MCTP1: variants seen among roughly 807,000 people sequenced by gnomAD.
MCTP1 encodes multiple C2 and transmembrane domain containing 1, also known as multiple C2 and transmembrane domain-containing protein 1.
A neutral mutation model predicts 120.6 loss-of-function variants in MCTP1; 69 were observed. That is an observed-to-expected ratio of 0.57 (90% CI 0.47 to 0.70). MCTP1 has a LOEUF of 0.70. MCTP1 is among the 30% of genes least tolerant of loss of function. The pLI is 0.00. For synonymous variants in MCTP1, 529 were observed against 493.1 expected, an observed-to-expected ratio of 1.07 and a Z score of -0.96; for missense variants, 1,203 against 1,248.8, an observed-to-expected ratio of 0.96 and a Z score of 0.55.
At chr5:95,029,979 A>T (rs1216454855) in intron 1 of MCTP1, among the ~76,000 whole-genome samples, 1 of 152,202 alleles carries the variant, frequency 6.6e-6, no homozygotes, top group African/African-American at 2.4e-5. Flanking sequence ...CTCCCTACAC[A>T]GAACGGCAGC....
intron 2 of MCTP1, 30 bp downstream of exon 2, chr5:95,017,337 T>C (rs1454207983): frequency 1.4e-6 from 2 of 1,395,208 alleles, no homozygotes; most frequent in African/African-American, 1.4e-5. Context: ...ATAAAAAAGC[T>C]TCTAGGTGAT....
chr5:95,133,803 TA>T (rs2152427297), intron 1 of MCTP1, among the ~76,000 whole-genome samples: 1 of 152,362 alleles, frequency 6.6e-6, no homozygotes, highest in African/African-American at 2.4e-5. Context: ...AAGCCACAGA[TA>T]AGCAGGGACC....
intron 3 of MCTP1, 87 bp from the exon 4 acceptor site, chr5:94,942,514 G>A: frequency 1.1e-6 from 1 of 878,888 alleles, no homozygotes; most frequent in Non-Finnish European, 1.8e-6. Flanking sequence ...AATGTTGGTT[G>A]TCTATGTCAC....
chr5:94,990,020 T>G (rs1831221415), intron 2 of MCTP1, among the ~76,000 whole-genome samples: 1 of 152,112 alleles, frequency 6.6e-6, no homozygotes, highest in African/African-American at 2.4e-5. Context: ...TGTAAACTGT[T>G]TTTCTGAGTT....
chr5:94,948,469 G>T (rs159020), intron 3 of MCTP1, among the ~76,000 whole-genome samples: 126,056 of 151,702 alleles, frequency 0.83, 52,805 homozygotes, highest in African/African-American at 0.89. Context: ...GATTTTTTTT[G>T]GGTCCAAAAT....
intron 19 of MCTP1, among the ~76,000 whole-genome samples, chr5:94,726,684 AG>A (rs2152679153): frequency 6.6e-6 from 1 of 152,226 alleles, no homozygotes; most frequent in South Asian, 2.1e-4. Flanking sequence ...TTGAGGTGGC[AG>A]GGTCATATGG....
chr5:94,889,424 CAAAAATACA>C (rs1206509214), intron 11 of MCTP1, among the ~76,000 whole-genome samples: 1 of 151,564 alleles, frequency 6.6e-6, no homozygotes, highest in Non-Finnish European at 1.5e-5. Context: ...CCATCTCTAC[CAAAAATACA>C]AAAAAAATTA....
intron 1 of MCTP1, among the ~76,000 whole-genome samples, chr5:95,173,662 T>C (rs1747619310): frequency 6.6e-6 from 1 of 152,098 alleles, no homozygotes; most frequent in South Asian, 2.1e-4. Flanking sequence ...TATTCACACA[T>C]GTAGGCAGAA....
At chr5:94,907,980 T>G (rs1056305974) in intron 10 of MCTP1, among the ~76,000 whole-genome samples, 6 of 152,054 alleles carry the variant, frequency 3.9e-5, no homozygotes, top group African/African-American at 1.4e-4. Context: ...CAAATATAAC[T>G]AATATTATTA....
At chr5:95,113,612 A>T (rs1582276855) in intron 1 of MCTP1, among the ~76,000 whole-genome samples, 1 of 152,192 alleles carries the variant, frequency 6.6e-6, no homozygotes, top group East Asian at 1.9e-4. Context: ...CCAGAAAGGA[A>T]TTGTCCTCCC....
chr5:94,802,730 T>C (rs1402760849), intron 17 of MCTP1, among the ~76,000 whole-genome samples: 1 of 152,156 alleles, frequency 6.6e-6, no homozygotes, highest in Non-Finnish European at 1.5e-5. Context: ...TGCATTAAAA[T>C]GGGATGGAAA....
chr5:95,105,709 C>T (rs1013390393), intron 1 of MCTP1, among the ~76,000 whole-genome samples: 1 of 152,014 alleles, frequency 6.6e-6, no homozygotes, highest in African/African-American at 2.4e-5. Flanking sequence ...CTTATTAGAG[C>T]TTCATTAGGA....
chr5:95,080,021 G>A (rs956898733), intron 1 of MCTP1, among the ~76,000 whole-genome samples: 15 of 152,030 alleles, frequency 9.9e-5, no homozygotes, highest in Non-Finnish European at 1.8e-4. Flanking sequence ...TAACAGAAAG[G>A]GTTGGAAGTT....
chr5:94,813,782 G>A (rs1783922096), intron 17 of MCTP1, among the ~76,000 whole-genome samples: 1 of 151,966 alleles, frequency 6.6e-6, no homozygotes, highest in African/African-American at 2.4e-5. Context: ...GAGTTTGGAG[G>A]TCAAGTCTGC....
chr5:94,932,113 A>C, intron 5 of MCTP1, 122 bp from the exon 6 acceptor site: 1 of 612,460 alleles, frequency 1.6e-6, no homozygotes, highest in South Asian at 2.1e-5. Context: ...TGCAGCAATT[A>C]TACAACACAA....
At chr5:95,110,815 T>A (rs756242521) in intron 1 of MCTP1, among the ~76,000 whole-genome samples, 4 of 152,184 alleles carry the variant, frequency 2.6e-5, no homozygotes, top group African/African-American at 9.7e-5. Flanking sequence ...TAAAGGACTT[T>A]TGAGTCTACC....
At chr5:95,220,335 CTTTTT>C (rs554157258) in intron 1 of MCTP1, among the ~76,000 whole-genome samples, 6 of 142,628 alleles carry the variant, frequency 4.2e-5, no homozygotes, top group African/African-American at 1.5e-4. Context: ...TTTCTTCTTC[CTTTTT>C]TTTTTTTTTA....
chr5:95,204,012 C>G (rs1164426789), intron 1 of MCTP1, among the ~76,000 whole-genome samples: 1 of 152,150 alleles, frequency 6.6e-6, no homozygotes, highest in East Asian at 1.9e-4. Context: ...AAATGCATTT[C>G]TGCTTGTTAA....
At chr5:95,133,478 AC>A (rs1386349186) in intron 1 of MCTP1, among the ~76,000 whole-genome samples, 2 of 152,116 alleles carry the variant, frequency 1.3e-5, no homozygotes, top group Non-Finnish European at 2.9e-5. Flanking sequence ...ACATGGCAAA[AC>A]CCCGTCTCTA....
Sources: allele counts gnomAD v4.1 joint callset (sites outside exome capture counted in the v4.1 genomes callset), GRCh38; gene constraint gnomAD v4.1.1; transcripts MANE v1.5; gene names NCBI Gene and HGNC (gene_info 2026-07-23, HGNC 2026-07-21).